ATP6V1E2: variants seen among roughly 807,000 people sequenced by gnomAD.
ATP6V1E2 encodes the protein ATPase H+ transporting V1 subunit E2.
For synonymous variants in ATP6V1E2, 121 were observed against 104.2 expected, an observed-to-expected ratio of 1.16 and a Z score of -0.98; for missense variants, 308 against 273.3, an observed-to-expected ratio of 1.13 and a Z score of -0.90.
In ATP6V1E2 at chr2:46,511,881, A is replaced by T; in HGVS notation, c.*150T>A. On this transcript the variant is annotated 3_prime_UTR_variant, in exon 5 of 5. Coordinates refer to ENST00000522587, the MANE Select transcript of ATP6V1E2 (RefSeq NM_001318063.2). ...TTAATTTGGGCTTTATTTCAAAGTT[A>T]ACACTTTAGCTATCCAAAGGGTATT... 1 of 666,874 alleles carries T rather than the reference A, an allele frequency of 1.5e-6. No individual in the cohort carries two copies. Among genetic ancestry groups the T allele is most frequent in the Non-Finnish European group, 2.3e-6 (1 of 427,500 alleles). The allele number at this position is 666,874 out of a possible 1,614,324, so 41.3% of individuals were successfully genotyped here. A position where few individuals can be genotyped will look rare whatever the true frequency, so the allele number is the denominator to read the frequency against.
rs941567366 is a variant in ATP6V1E2, at chr2:46,511,864, G to A, written c.*167C>T. 4.8e-5 allele frequency: 28 copies of A among 586,922 alleles called. No homozygotes were observed. The African/African-American group carries it at 4.8e-4, about 10-fold the overall frequency. 36.4% of individuals were successfully genotyped at this position (586,922 alleles called of 1,614,324 possible). ...AATTTGAATTCTGAGCATTAATTTG[G>A]GCTTTATTTCAAAGTTAACACTTTA... is the stretch of plus-strand genomic sequence containing the variant. On this transcript the variant is annotated 3_prime_UTR_variant, in exon 5 of 5. Transcript: ENST00000522587.
At chr2:46,533,020 A>C (rs894175250) in intron 4 of ATP6V1E2, among the ~76,000 whole-genome samples, 1 of 151,522 alleles carries the variant, frequency 6.6e-6, no homozygotes, top group African/African-American at 2.4e-5. Flanking sequence ...ACCATGTAAT[A>C]TACTGCTATT....
At chr2:46,539,085 C>CCATTTAAACTA (rs6146751) in intron 2 of ATP6V1E2, among the ~76,000 whole-genome samples, 2 of 151,662 alleles carry the variant, frequency 1.3e-5, no homozygotes, top group Admixed American at 6.6e-5. Context: ...ACGGCAGCTT[C>CCATTTAAACTA]CAAGATTACA....
At chr2:46,528,719 A>G (rs2103899280) in intron 4 of ATP6V1E2, among the ~76,000 whole-genome samples, 1 of 152,374 alleles carries the variant, frequency 6.6e-6, no homozygotes, top group Middle Eastern at 3.4e-3. Flanking sequence ...CAATCTGGAT[A>G]AAGGCTGACA....
rs369719552 is a variant in ATP6V1E2 at position 46,529,443 on chromosome 2, T to C, written c.-102+6370A>G. On this transcript the variant is annotated intron_variant, in intron 4 of 4. Coordinates refer to ENST00000522587, the MANE Select transcript of ATP6V1E2 (RefSeq NM_001318063.2). ...TCATCTCAACCCTGCCCACAGAGTC[T>C]AGTACATAGCAGTAGCTTAATAATG... Among the ~76,000 whole-genome samples the C allele has an allele frequency of 5.3e-4, 80 of 152,352 alleles. 1 individual carries two copies. The South Asian group carries it at 0.015, about 29-fold the overall frequency.
chr2:46,512,157 A>T lies in ATP6V1E2; in HGVS notation c.555T>A (p.Ser185Arg). 1.2e-6 allele frequency: 2 copies of T among 1,614,146 alleles called. No homozygotes were observed. Among genetic ancestry groups the T allele is most frequent in the Non-Finnish European group, 1.7e-6 (2 of 1,180,014 alleles). The stretch of plus-strand genomic sequence containing the variant: ...TTGAAACCTTTATTCTCTGATTGCC[A>T]CTGTAGACCTCCACACCTCCAGCTG... ...VNAAGGVEVY[S>R]GNQRIKVSNT... Residue 185 changes from serine to arginine, a missense_variant, in exon 5 of 5, where the codon AGT (serine) becomes AGA (arginine). Coordinates refer to ENST00000522587, the MANE Select transcript of ATP6V1E2 (RefSeq NM_001318063.2).
intron 2 of ATP6V1E2, among the ~76,000 whole-genome samples, chr2:46,537,776 T>C (rs1667523148): frequency 1.3e-5 from 2 of 152,164 alleles, no homozygotes; most frequent in South Asian, 2.1e-4. Flanking sequence ...CATTTTTCCA[T>C]TTCCTAAGCA....
Position 46,511,894 on chromosome 2 carries a change from T to C in ATP6V1E2, c.*137A>G, listed in dbSNP as rs747674882. 97 of 760,320 alleles carry C rather than the reference T, an allele frequency of 1.3e-4. No individual in the cohort carries two copies. The highest frequency in any genetic ancestry group is 1.8e-4 in the Non-Finnish European group (88 of 499,794). The allele number at this position is 760,320 out of a possible 1,614,324, so 47.1% of individuals were successfully genotyped here. A position where few individuals can be genotyped will look rare whatever the true frequency, so the allele number is the denominator to read the frequency against. Reference sequence around the variant, plus strand: ...TATTTCAAAGTTAACACTTTAGCTATCCAAAGGGTATTTCGTGAAGAAAAA... The same window carrying C: ...TATTTCAAAGTTAACACTTTAGCTACCCAAAGGGTATTTCGTGAAGAAAAA... On this transcript the variant is annotated 3_prime_UTR_variant, in exon 5 of 5. Coordinates refer to ENST00000522587, the MANE Select transcript of ATP6V1E2 (RefSeq NM_001318063.2).
intron 4 of ATP6V1E2, among the ~76,000 whole-genome samples, chr2:46,513,198 C>CAGGATTTAATCCAGAA (rs138322635): frequency 0.2 from 17,052 of 84,538 alleles, 1,885 homozygotes; most frequent in East Asian, 0.55. Context: ...CATGGTCAGC[C>CAGGATTTAATCCAGAA]AGGATTTAAT....
In ATP6V1E2 at chr2:46,525,290, G is replaced by A. The variant is rs929485593; in HGVS notation, c.-102+10523C>T. ...GAGATCGAGACCACGGTGAAACCCC[G>A]TCTCTACTAAAAATTCAAAAAATTA... On this transcript the variant is annotated intron_variant, in intron 4 of 4. Coordinates refer to ENST00000522587, the MANE Select transcript of ATP6V1E2 (RefSeq NM_001318063.2). 3.3e-5 allele frequency among the ~76,000 whole-genome samples: 5 copies of A among 150,158 alleles called. No individual in the cohort carries two copies. The East Asian group carries it at 5.8e-4, about 17-fold the overall frequency.
chr2:46,526,043 C>G (rs1666903041), intron 4 of ATP6V1E2, among the ~76,000 whole-genome samples: 1 of 152,036 alleles, frequency 6.6e-6, no homozygotes, highest in African/African-American at 2.4e-5. Context: ...AAAGTGAAAC[C>G]TTTTTTGTTT....
intron 4 of ATP6V1E2, among the ~76,000 whole-genome samples, chr2:46,526,759 T>C (rs1666941849): frequency 6.6e-6 from 1 of 152,220 alleles, no homozygotes; most frequent in Non-Finnish European, 1.5e-5. Context: ...GTATATACCA[T>C]ATTTTGTCTA....
rs1316881503 is a variant in ATP6V1E2, at chr2:46,530,591, G to A, written c.-102+5222C>T. Among the ~76,000 whole-genome samples, 2 of 152,100 alleles carry A rather than the reference G, an allele frequency of 1.3e-5. No individual in the cohort carries two copies. Among genetic ancestry groups the A allele is most frequent in the East Asian group, 1.9e-4 (1 of 5,202 alleles). The stretch of plus-strand genomic sequence containing the variant: ...TTTATCTTGCTATTTGTTTTCCATT[G>A]TAACCAGCTATTCTTTCTTCCTTTT... On this transcript the variant is annotated intron_variant, in intron 4 of 4. Coordinates refer to ENST00000522587, the MANE Select transcript of ATP6V1E2 (RefSeq NM_001318063.2). The surrounding 1 kb of genome is among the most constrained non-coding windows in gnomAD (Gnocchi z 5.2).
rs548033677 is a variant in ATP6V1E2, at chr2:46,518,916, AG to A, written c.-101-6105del. The A allele has an allele frequency of 2.2e-4, 33 of 152,248 alleles. No homozygotes were observed. In the East Asian group the frequency reaches 6.2e-3, roughly 29 times the overall value. 9.4% of individuals were successfully genotyped at this position (152,248 alleles called of 1,614,324 possible). On this transcript the variant is annotated intron_variant, in intron 4 of 4. Coordinates refer to ENST00000522587, the MANE Select transcript of ATP6V1E2 (RefSeq NM_001318063.2). ...AGGAAGCCCCAGGTTACGTGTATATAGGAAGAAATATATCAGGTGAAGCCTT... is the reference window on the plus strand; with the variant it reads ...AGGAAGCCCCAGGTTACGTGTATATAGAAGAAATATATCAGGTGAAGCCTT...
intron 4 of ATP6V1E2, among the ~76,000 whole-genome samples, chr2:46,516,335 C>A (rs1025643785): frequency 3.9e-5 from 6 of 152,168 alleles, no homozygotes; most frequent in Non-Finnish European, 7.3e-5. Context: ...GGTATCTTTT[C>A]AACTATATGG....
intron 4 of ATP6V1E2, chr2:46,519,973 A>G (rs1052188618): frequency 1.3e-5 from 2 of 152,186 alleles, no homozygotes; most frequent in Non-Finnish European, 2.9e-5. Flanking sequence ...ACTTCATGGT[A>G]CCTTTGCCCA....
intron 4 of ATP6V1E2, among the ~76,000 whole-genome samples, chr2:46,523,634 C>A (rs923014467): frequency 3.3e-5 from 5 of 152,162 alleles, no homozygotes; most frequent in African/African-American, 1.2e-4. Context: ...GTTACTGTAG[C>A]CTTGTAGCAT....
intron 4 of ATP6V1E2, among the ~76,000 whole-genome samples, chr2:46,531,217 C>A (rs950833113): frequency 6.6e-6 from 1 of 152,204 alleles, no homozygotes; most frequent in Admixed American, 6.5e-5. Context: ...ATAGCAACCA[C>A]CAACTTACAT....
At chr2:46,525,471 AAAAAAG>A (rs1336908913) in intron 4 of ATP6V1E2, among the ~76,000 whole-genome samples, 1,985 of 125,714 alleles carry the variant, frequency 0.016, 49 homozygotes, top group African/African-American at 0.056. Context: ...CAAAAAAAAA[AAAAAAG>A]AAAAAAAAAA....
Sources: allele counts gnomAD v4.1 joint callset (sites outside exome capture counted in the v4.1 genomes callset), GRCh38; gene constraint gnomAD v4.1.1; non-coding constraint Gnocchi (gnomAD v3.1); transcripts MANE v1.5; gene names NCBI Gene and HGNC (gene_info 2026-07-23, HGNC 2026-07-21).